EYA4: variants seen among roughly 807,000 people sequenced by gnomAD.
EYA4 encodes EYA transcriptional coactivator and phosphatase 4, also known as protein phosphatase EYA4.
In EYA4, 31 loss-of-function variants were observed where a neutral mutation model predicts 87.9. The ratio of observed to expected loss-of-function variants is 0.35; its 90% CI spans 0.27 to 0.48. The LOEUF is 0.48. Ranked by LOEUF, EYA4 falls within the 20% of genes least tolerant of loss-of-function variation. EYA4 has a pLI of 0.99. For missense variants in EYA4, 678 were observed against 761.4 expected, an observed-to-expected ratio of 0.89 and a Z score of 1.29; for synonymous variants, 263 against 270.6, an observed-to-expected ratio of 0.97 and a Z score of 0.28.
At chr6:133,364,797 A>G (rs1437890593) in intron 2 of EYA4, among the ~76,000 whole-genome samples, 2 of 152,116 alleles carry the variant, frequency 1.3e-5, no homozygotes, top group East Asian at 1.9e-4. Flanking sequence ...GTATTGTTGA[A>G]TGTTGGAATG....
intron 16 of EYA4, 38 bp downstream of exon 16, chr6:133,513,076 G>C (rs753127297): frequency 5.7e-6 from 9 of 1,573,196 alleles, no homozygotes; most frequent in Admixed American, 1.7e-5. Context: ...AGGTACTCTG[G>C]GTATAGGTAG....
chr6:133,332,481 A>G (rs1318729390), intron 2 of EYA4, among the ~76,000 whole-genome samples: 6 of 151,880 alleles, frequency 4.0e-5, no homozygotes, highest in East Asian at 1.9e-4. Flanking sequence ...TCATTGTGCT[A>G]TACTCTCTGT....
At chr6:133,465,288 A>C (rs913059204) in intron 10 of EYA4, among the ~76,000 whole-genome samples, 1 of 152,182 alleles carries the variant, frequency 6.6e-6, no homozygotes, top group Non-Finnish European at 1.5e-5. Flanking sequence ...CAGTCCTAAA[A>C]AGTGTCCTTT....
At chr6:133,348,325 G>A (rs973542746) in intron 2 of EYA4, among the ~76,000 whole-genome samples, 7 of 134,668 alleles carry the variant, frequency 5.2e-5, no homozygotes, top group African/African-American at 2.8e-5. Context: ...CCAGGCTGGA[G>A]TGCAGTGGTG....
At chr6:133,418,873 T>C (rs892954088) in intron 3 of EYA4, among the ~76,000 whole-genome samples, 1 of 152,150 alleles carries the variant, frequency 6.6e-6, no homozygotes, top group Non-Finnish European at 1.5e-5. Flanking sequence ...GGAGCAGTAA[T>C]TTCTAAAGTA....
chr6:133,528,844 A>G lies in EYA4; in HGVS notation c.*39A>G, dbSNP rs747179143. 1.1e-5 allele frequency: 18 copies of G among 1,611,880 alleles called. No individual in the cohort carries two copies. The highest frequency in any genetic ancestry group is 1.4e-5 in the Non-Finnish European group (16 of 1,178,410). On this transcript the variant is annotated 3_prime_UTR_variant, in exon 20 of 20. Coordinates refer to ENST00000355286, the MANE Select transcript of EYA4 (RefSeq NM_004100.5). Reference sequence around the variant, plus strand: ...CCGGAGATCCATTTTTTATATTTCAAGTACACTGAATTTTTATGTGTGATT... The same window carrying G: ...CCGGAGATCCATTTTTTATATTTCAGGTACACTGAATTTTTATGTGTGATT...
At chr6:133,430,282 G>A (rs1791073815) in intron 3 of EYA4, among the ~76,000 whole-genome samples, 1 of 152,162 alleles carries the variant, frequency 6.6e-6, no homozygotes. Flanking sequence ...TGTGTGTTTA[G>A]GAGATATTTT....
At chr6:133,513,061 A>T in intron 16 of EYA4, 23 bp downstream of exon 16, 2 of 1,606,002 alleles carry the variant, frequency 1.2e-6, no homozygotes, top group Non-Finnish European at 1.7e-6. Context: ...TTTTCAATCT[A>T]ACAAAGGTAC....
intron 13 of EYA4, among the ~76,000 whole-genome samples, chr6:133,490,383 T>TAA (rs1292714044): frequency 2.9e-5 from 4 of 138,358 alleles, no homozygotes; most frequent in African/African-American, 1.2e-4. Context: ...CTGAATAGAT[T>TAA]AAAAAAAAAC....
intron 11 of EYA4, among the ~76,000 whole-genome samples, chr6:133,475,306 T>C (rs509453): frequency 0.82 from 125,221 of 152,088 alleles, 52,218 homozygotes; most frequent in African/African-American, 0.96. Context: ...AGGACAGATT[T>C]GCACATGAAG....
chr6:133,389,957 G>T (rs1787113550), intron 3 of EYA4, among the ~76,000 whole-genome samples: 1 of 152,012 alleles, frequency 6.6e-6, no homozygotes, highest in African/African-American at 2.4e-5. Context: ...TGGCTTACAG[G>T]GTCTAGACCC....
At chr6:133,327,093 T>C (rs1781554731) in intron 2 of EYA4, among the ~76,000 whole-genome samples, 1 of 152,174 alleles carries the variant, frequency 6.6e-6, no homozygotes, top group Non-Finnish European at 1.5e-5. Context: ...TTTATAGTCA[T>C]TGGTAGTTAA....
chr6:133,294,347 T>G (rs1778779999), intron 2 of EYA4, among the ~76,000 whole-genome samples: 1 of 150,890 alleles, frequency 6.6e-6, no homozygotes. Context: ...CTTTCTGTTT[T>G]TTTTTTGTTT....
intron 18 of EYA4, among the ~76,000 whole-genome samples, chr6:133,524,431 T>C (rs1467328430): frequency 6.6e-6 from 1 of 152,200 alleles, no homozygotes; most frequent in African/African-American, 2.4e-5. Flanking sequence ...ATAATGCCAA[T>C]GTTTTAAAAA....
intron 3 of EYA4, among the ~76,000 whole-genome samples, chr6:133,399,235 G>A (rs1788057778): frequency 6.6e-6 from 1 of 152,116 alleles, no homozygotes; most frequent in African/African-American, 2.4e-5. Context: ...CTTTCTGATA[G>A]TAAACCATTT....
chr6:133,476,889 C>G (rs575641990), intron 11 of EYA4, among the ~76,000 whole-genome samples: 1 of 152,034 alleles, frequency 6.6e-6, no homozygotes, highest in Non-Finnish European at 1.5e-5. Flanking sequence ...TTGTAATCCC[C>G]CTAATGCCCA....
chr6:133,454,209 T>C (rs1487202993), intron 5 of EYA4, among the ~76,000 whole-genome samples: 2 of 152,178 alleles, frequency 1.3e-5, no homozygotes, highest in African/African-American at 4.8e-5. Flanking sequence ...TGTTCGTAGA[T>C]ATAGATATGC....
chr6:133,292,489 T>G (rs1778566430), intron 2 of EYA4, among the ~76,000 whole-genome samples: 1 of 152,162 alleles, frequency 6.6e-6, no homozygotes, highest in Admixed American at 6.5e-5. Flanking sequence ...GGCCTTAGGA[T>G]ATGGGTGTTT....
intron 2 of EYA4, among the ~76,000 whole-genome samples, chr6:133,376,151 A>G (rs1785664536): frequency 6.6e-6 from 1 of 151,854 alleles, no homozygotes; most frequent in South Asian, 2.1e-4. Context: ...ATAATCTGTA[A>G]TATAATCTCC....
Sources: gnomAD v4.1 joint callset for allele counts (sites outside exome capture counted in the v4.1 genomes callset) on GRCh38, gnomAD v4.1.1 for gene constraint, MANE v1.5 for transcripts, NCBI Gene and HGNC (gene_info 2026-07-23, HGNC 2026-07-21) for gene names.